Variants in KCNT2 observed in about 807,000 individuals in gnomAD.
The protein encoded by KCNT2 is potassium channel subfamily T member 2.
A neutral mutation model predicts 153.8 loss-of-function variants in KCNT2; 67 were observed. The ratio of observed to expected loss-of-function variants is 0.44; its 90% CI spans 0.36 to 0.53. The LOEUF is 0.53. Among genes scored for constraint, KCNT2 ranks in the 20% least tolerant of loss-of-function variants. The pLI is 0.00. For missense variants in KCNT2, 975 were observed against 1,354.8 expected (o/e 0.72, Z 4.40); for synonymous variants, 500 against 458.8 (o/e 1.09, Z -1.15).
At chr1:196,584,168 G>GATAAAATAAAATAAAATAAA (rs67886282) in intron 1 of KCNT2, among the ~76,000 whole-genome samples, 99,340 of 140,720 alleles carry the variant, frequency 0.71, 38,067 homozygotes, top group Middle Eastern at 0.87. Flanking sequence ...CTGGAATTAA[G>GATAAAATAAAATAAAATAAA]ATAAAATAAA....
intron 26 of KCNT2, among the ~76,000 whole-genome samples, chr1:196,250,613 T>C (rs548707453): frequency 5.3e-4 from 80 of 152,014 alleles, no homozygotes; most frequent in South Asian, 1.0e-3. Flanking sequence ...AATGCAAAAA[T>C]TGACAAATGG....
intron 8 of KCNT2, among the ~76,000 whole-genome samples, chr1:196,439,842 T>C (rs536753535): frequency 4.4e-4 from 67 of 152,000 alleles, no homozygotes; most frequent in African/African-American, 1.6e-3. Flanking sequence ...AGATATATAA[T>C]AACACATGGA....
At chr1:196,316,522 C>T (rs1234655634) in intron 20 of KCNT2, among the ~76,000 whole-genome samples, 1 of 151,470 alleles carries the variant, frequency 6.6e-6, no homozygotes, top group Non-Finnish European at 1.5e-5. Flanking sequence ...GTTTATTATT[C>T]CTTTATGTAA....
At chr1:196,366,633 A>C (rs780685829) in intron 14 of KCNT2, among the ~76,000 whole-genome samples, 2 of 152,180 alleles carry the variant, frequency 1.3e-5, no homozygotes, top group East Asian at 3.9e-4. Context: ...TGACTGTATC[A>C]TTTAAATTAA....
intron 1 of KCNT2, among the ~76,000 whole-genome samples, chr1:196,568,139 T>C (rs957998555): frequency 6.6e-6 from 1 of 152,174 alleles, no homozygotes; most frequent in Non-Finnish European, 1.5e-5. Flanking sequence ...CCAACCTTTT[T>C]GGCACCAGAG....
rs190424478 is a variant in KCNT2 at position 196,527,481 on chromosome 1, G to A, written c.96-35140C>T. 2.7e-4 allele frequency among the ~76,000 whole-genome samples: 41 copies of A among 152,206 alleles called. No homozygotes were observed. In the South Asian group the frequency reaches 7.2e-3, roughly 27 times the overall value. ...CAGTTTATTAGCAAAACAGGGTAACGTAAAATGAATGATATTAATAATCTA... is the reference window on the plus strand; with the variant it reads ...CAGTTTATTAGCAAAACAGGGTAACATAAAATGAATGATATTAATAATCTA... On this transcript the variant is annotated intron_variant, in intron 1 of 27. Transcript: ENST00000294725.
intron 1 of KCNT2, among the ~76,000 whole-genome samples, chr1:196,595,266 G>T (rs1274812747): frequency 6.6e-6 from 1 of 151,910 alleles, no homozygotes; most frequent in African/African-American, 2.4e-5. Context: ...TGAATTAATT[G>T]ATATTAATGA....
At chr1:196,437,807 C>T (rs962088689) in intron 8 of KCNT2, among the ~76,000 whole-genome samples, 2 of 151,244 alleles carry the variant, frequency 1.3e-5, no homozygotes, top group Non-Finnish European at 3.0e-5. Context: ...CACATTTATT[C>T]ATACAAATAA....
At chr1:196,337,218 C>T (rs1019025671) in intron 16 of KCNT2, among the ~76,000 whole-genome samples, 3 of 151,608 alleles carry the variant, frequency 2.0e-5, no homozygotes, top group African/African-American at 7.3e-5. Context: ...TTCTCTTTCC[C>T]TAGTTGCTTA....
At chr1:196,281,119 A>T in intron 24 of KCNT2, 131 bp from the exon 25 acceptor site, 1 of 669,028 alleles carries the variant, frequency 1.5e-6, no homozygotes, top group Non-Finnish European at 2.5e-6. Flanking sequence ...CTACAGTGCA[A>T]CGGTGCAACC....
At chr1:196,232,658 A>G (rs1038477648) in intron 27 of KCNT2, among the ~76,000 whole-genome samples, 1 of 151,610 alleles carries the variant, frequency 6.6e-6, no homozygotes, top group Non-Finnish European at 1.5e-5. Flanking sequence ...AAGAGTATCT[A>G]AAAGACAGAA....
intron 13 of KCNT2, among the ~76,000 whole-genome samples, chr1:196,374,820 C>G (rs1439220167): frequency 6.6e-6 from 1 of 151,618 alleles, no homozygotes; most frequent in East Asian, 1.9e-4. Context: ...ACATAGGGAA[C>G]CCATAAATTT....
intron 1 of KCNT2, among the ~76,000 whole-genome samples, chr1:196,569,973 A>G (rs1463567495): frequency 6.6e-6 from 1 of 151,828 alleles, no homozygotes; most frequent in Admixed American, 6.6e-5. Context: ...AACCAAGTTA[A>G]CCAAAGTCAC....
intron 25 of KCNT2, among the ~76,000 whole-genome samples, chr1:196,267,915 C>G (rs1203052335): frequency 5.9e-5 from 9 of 152,124 alleles, no homozygotes; most frequent in Non-Finnish European, 4.4e-5. Flanking sequence ...GAGCATGTCA[C>G]TCCTATCCTA....
At chr1:196,470,711 C>T (rs1427592828) in intron 5 of KCNT2, among the ~76,000 whole-genome samples, 2 of 152,124 alleles carry the variant, frequency 1.3e-5, no homozygotes, top group Non-Finnish European at 2.9e-5. Context: ...ATTCCCTGTT[C>T]TTCCTCAGCC....
chr1:196,297,487 T>G (rs1660780299), intron 22 of KCNT2, among the ~76,000 whole-genome samples: 1 of 152,152 alleles, frequency 6.6e-6, no homozygotes, highest in Non-Finnish European at 1.5e-5. Context: ...GTGAAGACTT[T>G]GGGCTCATTA....
At chr1:196,343,410 C>G (rs1665854461) in intron 14 of KCNT2, among the ~76,000 whole-genome samples, 1 of 151,894 alleles carries the variant, frequency 6.6e-6, no homozygotes. Flanking sequence ...CTTATGAACT[C>G]TACAAAAAAG....
intron 3 of KCNT2, among the ~76,000 whole-genome samples, chr1:196,488,270 T>C (rs1423477983): frequency 1.3e-5 from 2 of 151,992 alleles, no homozygotes; most frequent in African/African-American, 4.8e-5. Flanking sequence ...TATTTTAAAA[T>C]AGAGCCTGCA....
intron 11 of KCNT2, among the ~76,000 whole-genome samples, chr1:196,425,059 G>C (rs1182281394): frequency 6.6e-6 from 1 of 151,912 alleles, no homozygotes; most frequent in Non-Finnish European, 1.5e-5. Flanking sequence ...TAAACATGAA[G>C]ATATGTTTAA....
Sources: allele counts gnomAD v4.1 joint callset (sites outside exome capture counted in the v4.1 genomes callset), GRCh38; gene constraint gnomAD v4.1.1; transcripts MANE v1.5; gene names NCBI Gene and HGNC (gene_info 2026-07-23, HGNC 2026-07-21).